Variants in NTRK1 observed in about 807,000 individuals in gnomAD.
NTRK1 encodes high affinity nerve growth factor receptor.
NTRK1 carries 62 observed loss-of-function variants against 86.8 expected under a neutral mutation model. That is an observed-to-expected ratio of 0.71 (90% CI 0.58 to 0.88). The LOEUF is 0.88. Among genes scored for constraint, NTRK1 ranks in the 40% least tolerant of loss-of-function variants. The probability of loss-of-function intolerance (pLI) is 0.00; values close to 1 mark genes in which losing one functional copy is unlikely to be tolerated. For missense variants in NTRK1, 967 were observed against 1,078.4 expected, an observed-to-expected ratio of 0.90 and a Z score of 1.45; for synonymous variants, 469 against 456.6, an observed-to-expected ratio of 1.03 and a Z score of -0.35.
intron 1 of NTRK1, among the ~76,000 whole-genome samples, chr1:156,827,403 C>T (rs1220351382): frequency 1.3e-5 from 2 of 152,102 alleles, no homozygotes; most frequent in African/African-American, 4.8e-5. Flanking sequence ...GCTGGGATTA[C>T]AGGCGTGCGC....
At position 156,854,206 on chromosome 1, in the gene NTRK1, G is replaced by A; in HGVS notation, c.51-10148G>A. 1 of 1,614,082 alleles carries A rather than the reference G, an allele frequency of 6.2e-7. No individual in the cohort carries two copies. The highest frequency in any genetic ancestry group is 1.1e-5 in the South Asian group (1 of 91,082). On this transcript the variant is annotated intron_variant, in intron 2 of 16. Coordinates refer to the NTRK1 transcript ENST00000392302. This position sits in a 1 kb window ranked among gnomAD's most constrained non-coding sequence, Gnocchi z 4.2. ...CGCGGAAGTCCTCCCCGGTGGCTGT[G>A]AACATGAGCAGGATCTGCAGGTGGC...
intron 2 of NTRK1, chr1:156,844,989 G>A: frequency 1.3e-6 from 2 of 1,532,938 alleles, no homozygotes; most frequent in Non-Finnish European, 1.8e-6. Context: ...GAGGCTCTGG[G>A]GTTAGCGAGA....
intron 2 of NTRK1, chr1:156,843,605 G>A (rs1654880555): frequency 1.0e-6 from 1 of 996,666 alleles, no homozygotes; most frequent in Non-Finnish European, 1.6e-6. Flanking sequence ...GCCTTGGTCA[G>A]GGTGACTCCT....
chr1:156,857,877 C>T (rs906531954), upstream of NTRK1, among the ~76,000 whole-genome samples: 2 of 152,194 alleles, frequency 1.3e-5, no homozygotes, highest in Non-Finnish European at 2.9e-5. Context: ...TTCCACCAAT[C>T]CCCCAGCACC....
intron 1 of NTRK1, among the ~76,000 whole-genome samples, chr1:156,822,566 G>GA (rs568720677): frequency 1.1e-4 from 8 of 71,312 alleles, no homozygotes; most frequent in South Asian, 4.2e-4. Flanking sequence ...CATCACTAAG[G>GA]AAAAAAAAAG....
intron 1 of NTRK1, among the ~76,000 whole-genome samples, chr1:156,835,521 A>G (rs986264407): frequency 1.3e-5 from 2 of 152,202 alleles, no homozygotes; most frequent in Non-Finnish European, 2.9e-5. Context: ...AGATAAGCAA[A>G]AAGAAGATAT....
intron 7 of NTRK1, among the ~76,000 whole-genome samples, chr1:156,872,781 T>C (rs1159031583): frequency 6.6e-6 from 1 of 151,688 alleles, no homozygotes; most frequent in Non-Finnish European, 1.5e-5. Flanking sequence ...GTTCACGTCA[T>C]TCTCCTGCTT....
rs576165880 is a variant in NTRK1, at chr1:156,841,665, C to A, written c.-63-416C>A. On this transcript the variant is annotated intron_variant, in intron 1 of 16. Coordinates refer to the NTRK1 transcript ENST00000392302. ...GCCCTGTGCTCCAGCTCGGCCCCAC[C>A]AGACATCCGAGTGGGTGGTGAAGAT... The A allele has an allele frequency of 8.7e-6, 14 of 1,613,700 alleles. No homozygotes were observed. Among genetic ancestry groups the A allele is most frequent in the Middle Eastern group, 3.3e-4 (2 of 6,060 alleles).
At chr1:156,869,545 T>C (rs928879778) in intron 6 of NTRK1, among the ~76,000 whole-genome samples, 20 of 152,214 alleles carry the variant, frequency 1.3e-4, no homozygotes, top group African/African-American at 4.8e-4. Flanking sequence ...GGCATAGGTC[T>C]GGCTCCAGCT....
intron 1 of NTRK1, chr1:156,816,932 G>T (rs140203162): frequency 2.4e-6 from 1 of 414,802 alleles, no homozygotes; most frequent in Non-Finnish European, 4.3e-6. Flanking sequence ...GTGGTATAGC[G>T]GTGGGGGGTA....
chr1:156,867,671 C>CTTTT (rs71644586), intron 4 of NTRK1, among the ~76,000 whole-genome samples: 4 of 141,078 alleles, frequency 2.8e-5, no homozygotes, highest in African/African-American at 5.2e-5. Flanking sequence ...CTTTTCTTTT[C>CTTTT]TTTTTTTTTT....
chr1:156,858,489 C>T (rs762394574), upstream of NTRK1: 6 of 1,503,852 alleles, frequency 4.0e-6, no homozygotes, highest in Non-Finnish European at 5.6e-6. Context: ...GGCCTCCCAG[C>T]TGGCTGGGAG....
At chr1:156,818,813 A>G (rs770825292) in intron 1 of NTRK1, among the ~76,000 whole-genome samples, 6 of 152,250 alleles carry the variant, frequency 3.9e-5, no homozygotes, top group Non-Finnish European at 7.3e-5. Context: ...TAATAGAATG[A>G]CTTCTTTTCC....
At chr1:156,851,937 C>G in intron 2 of NTRK1, 4 of 1,604,030 alleles carry the variant, frequency 2.5e-6, no homozygotes, top group Non-Finnish European at 3.4e-6. Context: ...AGGCAACTGC[C>G]CTGGTGTATG....
intron 1 of NTRK1, chr1:156,841,132 G>A: frequency 2.6e-6 from 4 of 1,515,960 alleles, no homozygotes; most frequent in Non-Finnish European, 3.6e-6. Context: ...CAGGGTCAGA[G>A]GCATCCGGGA....
intron 2 of NTRK1, chr1:156,851,336 A>G (rs767368027): frequency 1.2e-6 from 2 of 1,614,056 alleles, no homozygotes; most frequent in Non-Finnish European, 1.7e-6. Flanking sequence ...TTCTTGAAAA[A>G]GCCCAGGGAC....
In NTRK1 at chr1:156,879,353, C is replaced by T; in HGVS notation, c.2037C>T (p.Asp679=). ...FGMSRDIYST[D]YYRVGGRTML... ...TGAGCAGGGATATCTACAGCACCGA[C>T]TATTACCGTGTAAGGGTCCTTTGTC... Residue 679 remains aspartate, a synonymous_variant, in exon 15 of 17, where the codon GAC becomes GAT. Coordinates refer to ENST00000524377, the MANE Select transcript of NTRK1 (RefSeq NM_002529.4). The T allele has an allele frequency of 1.9e-6, 3 of 1,604,336 alleles. No individual in the cohort carries two copies. The highest frequency in any genetic ancestry group is 2.5e-6 in the Non-Finnish European group (3 of 1,178,568).
chr1:156,868,254 G>T lies in NTRK1; in HGVS notation c.574+5G>T. The T allele has an allele frequency of 1.2e-6, 2 of 1,608,088 alleles. No homozygotes were observed. ...ACATGCCCAATGCCAGCTGTGGTAG[G>T]TGCCGGGTGAGGGAGGTGGTGTAAG... On this transcript the variant is annotated splice_donor_5th_base_variant and intron_variant, in intron 5 of 16. Transcript: ENST00000524377.
intron 1 of NTRK1, among the ~76,000 whole-genome samples, chr1:156,825,687 GA>G (rs1173867520): frequency 2.0e-5 from 3 of 152,194 alleles, no homozygotes; most frequent in Non-Finnish European, 4.4e-5. Context: ...TTACAAGTGA[GA>G]AAACTGAGAT....
Sources: gnomAD v4.1 joint callset for allele counts (sites outside exome capture counted in the v4.1 genomes callset) on GRCh38, gnomAD v4.1.1 for gene constraint, Gnocchi (gnomAD v3.1) non-coding constraint, MANE v1.5 for transcripts, NCBI Gene and HGNC (gene_info 2026-07-23, HGNC 2026-07-21) for gene names.